ATP13A2: variants seen among roughly 807,000 people sequenced by gnomAD.
The protein encoded by ATP13A2 is polyamine-transporting ATPase 13A2.
Under a neutral mutation model 138.3 loss-of-function variants are expected in ATP13A2, and 83 were observed. That is an observed-to-expected ratio of 0.60 (90% CI 0.50 to 0.72). The LOEUF (loss-of-function observed/expected upper bound fraction) is 0.72, where lower values mean the gene tolerates loss of function less well. Ranked by LOEUF, ATP13A2 falls within the 30% of genes least tolerant of loss-of-function variation. The probability of loss-of-function intolerance (pLI) is 0.00; values close to 1 mark genes in which losing one functional copy is unlikely to be tolerated. For missense variants in ATP13A2, 1,402 were observed against 1,606.4 expected (o/e 0.87, Z 2.17); for synonymous variants, 663 against 699.0 (o/e 0.95, Z 0.81).
At chr1:16,997,242 G>A in intron 11 of ATP13A2, 67 bp from the exon 12 acceptor site, 2 of 1,588,190 alleles carry the variant, frequency 1.3e-6, no homozygotes, top group Non-Finnish European at 8.6e-7. Context: ...CAGGAGTTCT[G>A]TGTAGAATTG....
In ATP13A2 at chr1:16,995,718, T is replaced by A. The variant is rs2077094383; in HGVS notation, c.1542+258A>T. The A allele has an allele frequency of 1.8e-6, 1 of 561,682 alleles. No homozygotes were observed. Among genetic ancestry groups the A allele is most frequent in the Admixed American group, 2.4e-5 (1 of 40,910 alleles). The allele number at this position is 561,682 out of a possible 1,614,324, so 34.8% of individuals were successfully genotyped here. ...GCCTCAGCCTCCCAAAGTGCTGGGA[T>A]TACAGACGTGAGCCACCGCGCCCGG... On this transcript the variant is annotated intron_variant, in intron 15 of 28. Coordinates refer to ENST00000326735, the MANE Select transcript of ATP13A2 (RefSeq NM_022089.4). This position sits in a 1 kb window ranked among gnomAD's most constrained non-coding sequence, Gnocchi z 4.1.
At chr1:16,987,295 G>A (rs1557668928) in intron 25 of ATP13A2, 26 bp from the exon 26 acceptor site, 2 of 1,609,178 alleles carry the variant, frequency 1.2e-6, no homozygotes, top group South Asian at 1.1e-5. Context: ...GAGGACAGAG[G>A]GGAAACTAAG....
chr1:16,992,999 T>A lies in ATP13A2; in HGVS notation c.1750-418A>T, dbSNP rs188033227. ...GGTGTGATCTCGGCTTACTGCAACCTCTGCCTCCCGGATTCAAATGATTCT... is the reference window on the plus strand; with the variant it reads ...GGTGTGATCTCGGCTTACTGCAACCACTGCCTCCCGGATTCAAATGATTCT... On this transcript the variant is annotated intron_variant, in intron 16 of 28. Transcript: ENST00000326735. Among the ~76,000 whole-genome samples, 28 of 152,076 alleles carry A rather than the reference T, an allele frequency of 1.8e-4. No individual in the cohort carries two copies. In the East Asian group the frequency reaches 5.2e-3, roughly 28 times the overall value.
intron 17 of ATP13A2, 36 bp downstream of exon 17, chr1:16,992,450 C>T (rs1157230191): frequency 3.1e-6 from 5 of 1,613,688 alleles, no homozygotes; most frequent in Non-Finnish European, 3.4e-6. Flanking sequence ...GAGCCCACCC[C>T]TCTGCCCTGC....
intron 2 of ATP13A2, 31 bp from the exon 3 acceptor site, chr1:17,005,587 G>T: frequency 6.2e-7 from 1 of 1,614,148 alleles, no homozygotes; most frequent in Middle Eastern, 1.6e-4. Flanking sequence ...GGCCCAGGTC[G>T]GGGTGGGAAC....
At chr1:17,001,925 G>T in intron 8 of ATP13A2, 109 bp downstream of exon 8, 1 of 1,131,634 alleles carries the variant, frequency 8.8e-7, no homozygotes, top group Non-Finnish European at 1.3e-6. Context: ...TGGAGAAGGG[G>T]ACAGCTGGTC....
At chr1:16,989,844 C>T in intron 22 of ATP13A2, 43 bp downstream of exon 22, 2 of 1,610,940 alleles carry the variant, frequency 1.2e-6, no homozygotes, top group Non-Finnish European at 1.7e-6. Flanking sequence ...GGAGACAGAG[C>T]AGGGGAGGCG....
intron 1 of ATP13A2, among the ~76,000 whole-genome samples, chr1:17,010,432 C>T (rs140542160): frequency 6.6e-6 from 1 of 152,250 alleles, no homozygotes; most frequent in African/African-American, 2.4e-5. Context: ...CCATGCCCTG[C>T]GGAAGCCCTT....
chr1:17,007,802 C>T (rs1196208912), intron 1 of ATP13A2, among the ~76,000 whole-genome samples: 13 of 152,160 alleles, frequency 8.5e-5, no homozygotes, highest in African/African-American at 2.4e-4. Flanking sequence ...CCGCCCGCCT[C>T]GGCCTCCCAA....
rs199590853 is a variant in ATP13A2, at chr1:16,997,419, GGGGGT to G, written c.1040-249_1040-245del. 3.4e-4 allele frequency among the ~76,000 whole-genome samples: 49 copies of G among 143,506 alleles called. 8 individuals are homozygous for G. Among genetic ancestry groups the G allele is most frequent in the African/African-American group, 1.2e-3 (46 of 39,218 alleles). The allele number at this position is 143,506 out of a possible 152,430, so 94.1% of individuals were successfully genotyped here. A position where few individuals can be genotyped will look rare whatever the true frequency, so the allele number is the denominator to read the frequency against. Reference sequence around the variant, plus strand: ...AGCCAGCTCCCTGGAACCAGCGGGGGGGGGTGGGTCAGACAGAGCATGTGTGGGCA... The same window carrying G: ...AGCCAGCTCCCTGGAACCAGCGGGGGGGGTCAGACAGAGCATGTGTGGGCA... On this transcript the variant is annotated intron_variant, in intron 11 of 28. Coordinates refer to ENST00000326735, the MANE Select transcript of ATP13A2 (RefSeq NM_022089.4).
chr1:17,004,882 C>T lies in ATP13A2; in HGVS notation c.348-61G>A. ...GGAGCTGCCCTGGCACCTCCCTGTGCTCACAGAGCCATCTTCCCTCCCTAG... is the reference window on the plus strand; with the variant it reads ...GGAGCTGCCCTGGCACCTCCCTGTGTTCACAGAGCCATCTTCCCTCCCTAG... On this transcript the variant is annotated intron_variant, in intron 4 of 28. Coordinates refer to ENST00000326735, the MANE Select transcript of ATP13A2 (RefSeq NM_022089.4). This position sits in a 1 kb window ranked among gnomAD's most constrained non-coding sequence, Gnocchi z 4.1. 1 of 1,613,376 alleles carries T rather than the reference C, an allele frequency of 6.2e-7. No homozygotes were observed. The highest frequency in any genetic ancestry group is 1.1e-5 in the South Asian group (1 of 91,068).
intron 23 of ATP13A2, 127 bp from the exon 24 acceptor site, chr1:16,988,601 T>A: frequency 1.1e-6 from 1 of 904,956 alleles, no homozygotes; most frequent in Non-Finnish European, 1.7e-6. Flanking sequence ...AGGCGCTCAG[T>A]GAATAGATGC....
intron 7 of ATP13A2, 94 bp downstream of exon 7, chr1:17,002,202 C>G: frequency 6.3e-7 from 1 of 1,577,280 alleles, no homozygotes; most frequent in Non-Finnish European, 8.6e-7. Flanking sequence ...GGAACTGAGG[C>G]CCAGAGAAGG....
chr1:17,007,612 C>T (rs1371189960), intron 1 of ATP13A2, among the ~76,000 whole-genome samples: 4 of 143,022 alleles, frequency 2.8e-5, no homozygotes, highest in South Asian at 4.4e-4. Context: ...AGTGCAGTGG[C>T]GCGATCTCGG....
intron 6 of ATP13A2, among the ~76,000 whole-genome samples, chr1:17,003,979 A>C (rs1322868246): frequency 2.0e-5 from 3 of 152,112 alleles, no homozygotes; most frequent in Admixed American, 1.3e-4. Flanking sequence ...ATGTTTCTTA[A>C]GCCTTTTGTA....
At chr1:17,000,594 G>C in intron 8 of ATP13A2, 60 bp from the exon 9 acceptor site, 6 of 1,586,546 alleles carry the variant, frequency 3.8e-6, no homozygotes, top group Non-Finnish European at 5.1e-6. Context: ...CCAGCCACAG[G>C]CTGGGTCTCC....
intron 11 of ATP13A2, 68 bp downstream of exon 11, chr1:16,999,943 T>C (rs1390808043): frequency 2.0e-6 from 3 of 1,492,534 alleles, no homozygotes; most frequent in East Asian, 2.4e-5. Flanking sequence ...ATGAAAACTT[T>C]TGCCGCAGGG....
chr1:17,011,465 C>T lies in ATP13A2; in HGVS notation c.10+264G>A, dbSNP rs888530389. On this transcript the variant is annotated intron_variant, in intron 1 of 28. Coordinates refer to ENST00000326735, the MANE Select transcript of ATP13A2 (RefSeq NM_022089.4). This position sits in a 1 kb window ranked among gnomAD's most constrained non-coding sequence, Gnocchi z 7.3. ...CTTGCACAAGCGCCCGGCTTCCAATCCCGCGGCTGAGGGGTGCAGGGGAGG... is the reference window on the plus strand; with the variant it reads ...CTTGCACAAGCGCCCGGCTTCCAATTCCGCGGCTGAGGGGTGCAGGGGAGG... 6.6e-5 allele frequency among the ~76,000 whole-genome samples: 10 copies of T among 152,294 alleles called. No homozygotes were observed. Among genetic ancestry groups the T allele is most frequent in the African/African-American group, 2.4e-4 (10 of 41,582 alleles).
In ATP13A2 at chr1:17,005,366, A is replaced by T; in HGVS notation, c.288+8T>A. ...CTTCTCTAGCCCCAGGCTCAGCCTG[A>T]CTCTCACCTCTTTGTCTCTTATTTC... On this transcript the variant is annotated splice_region_variant and intron_variant, in intron 3 of 28. Coordinates refer to ENST00000326735, the MANE Select transcript of ATP13A2 (RefSeq NM_022089.4). 1.3e-6 allele frequency: 2 copies of T among 1,590,584 alleles called. No individual in the cohort carries two copies. The highest frequency in any genetic ancestry group is 1.7e-6 in the Non-Finnish European group (2 of 1,168,162).
Sources: allele counts gnomAD v4.1 joint callset (sites outside exome capture counted in the v4.1 genomes callset), GRCh38; gene constraint gnomAD v4.1.1; non-coding constraint Gnocchi (gnomAD v3.1); transcripts MANE v1.5; gene names NCBI Gene and HGNC (gene_info 2026-07-23, HGNC 2026-07-21).